Variants in CADM2 observed in about 807,000 individuals in gnomAD.
The protein encoded by CADM2 is cell adhesion molecule 2.
CADM2 carries 12 observed loss-of-function variants against 49.8 expected under a neutral mutation model. The observed-to-expected ratio is 0.24, with a 90% CI of 0.15 to 0.39. The LOEUF (loss-of-function observed/expected upper bound fraction) is 0.39. CADM2 is among the 10% of genes least tolerant of loss of function. The pLI is 1.00. For synonymous variants in CADM2, 214 were observed against 175.4 expected, an observed-to-expected ratio of 1.22 and a Z score of -1.74; for missense variants, 378 against 492.3, an observed-to-expected ratio of 0.77 and a Z score of 2.20.
At chr3:85,545,325 G>A (rs548605095) in intron 1 of CADM2, among the ~76,000 whole-genome samples, 1 of 152,236 alleles carries the variant, frequency 6.6e-6, no homozygotes, top group Admixed American at 6.5e-5. Flanking sequence ...TCCATGCACT[G>A]TGTTATGTGT....
intron 1 of CADM2, among the ~76,000 whole-genome samples, chr3:85,319,148 A>G (rs1028934562): frequency 9.2e-5 from 14 of 152,216 alleles, no homozygotes; most frequent in Admixed American, 5.2e-4. Context: ...AGTTCTGATA[A>G]TAAATCAATG....
intron 6 of CADM2, among the ~76,000 whole-genome samples, chr3:85,934,078 C>A (rs1720912177): frequency 1.3e-5 from 2 of 152,080 alleles, no homozygotes; most frequent in African/African-American, 4.8e-5. Flanking sequence ...TCACAGACAC[C>A]CATGTTAACA....
intron 1 of CADM2, among the ~76,000 whole-genome samples, chr3:85,360,301 TATAAA>T (rs2032265765): frequency 6.6e-6 from 1 of 152,180 alleles, no homozygotes; most frequent in East Asian, 1.9e-4. Flanking sequence ...AACACAAAAA[TATAAA>T]ATAAGTTTTT....
intron 3 of CADM2, among the ~76,000 whole-genome samples, chr3:85,842,547 T>C (rs1275904362): frequency 6.6e-6 from 1 of 152,080 alleles, no homozygotes; most frequent in African/African-American, 2.4e-5. Flanking sequence ...CTTAAATTCA[T>C]CTCAAATCTA....
At chr3:85,413,313 C>T (rs1389106343) in intron 1 of CADM2, among the ~76,000 whole-genome samples, 1 of 151,670 alleles carries the variant, frequency 6.6e-6, no homozygotes, top group African/African-American at 2.4e-5. Context: ...TTCCTTTGTG[C>T]ATATCACTAA....
chr3:84,983,561 A>G (rs1344135240), intron 1 of CADM2, among the ~76,000 whole-genome samples: 1 of 152,142 alleles, frequency 6.6e-6, no homozygotes, highest in African/African-American at 2.4e-5. Context: ...AAGTTCTTAG[A>G]GGTGTCAGAA....
chr3:85,315,100 G>T (rs2044433429), intron 1 of CADM2, among the ~76,000 whole-genome samples: 1 of 152,124 alleles, frequency 6.6e-6, no homozygotes, highest in Admixed American at 6.6e-5. Context: ...GAATTCCTTA[G>T]CTTGCAGATA....
chr3:85,780,106 G>A (rs879581323), intron 2 of CADM2, among the ~76,000 whole-genome samples: 1 of 152,058 alleles, frequency 6.6e-6, no homozygotes, highest in Non-Finnish European at 1.5e-5. Flanking sequence ...TCTGAAATGC[G>A]AGTTAAAGTG....
intron 2 of CADM2, among the ~76,000 whole-genome samples, chr3:85,785,230 A>G (rs987930644): frequency 9.2e-5 from 14 of 152,052 alleles, no homozygotes; most frequent in Admixed American, 3.9e-4. Context: ...ATCCAACTTT[A>G]CATTTTGTTC....
chr3:85,462,653 T>A (rs137865389), intron 1 of CADM2, among the ~76,000 whole-genome samples: 11 of 152,252 alleles, frequency 7.2e-5, no homozygotes, highest in Non-Finnish European at 8.8e-5. Flanking sequence ...CTTCAAATAA[T>A]ATTATGTCAA....
intron 1 of CADM2, among the ~76,000 whole-genome samples, chr3:85,029,013 C>G (rs969459343): frequency 6.6e-6 from 1 of 151,416 alleles, no homozygotes; most frequent in Non-Finnish European, 1.5e-5. Context: ...TATTATAACA[C>G]GTATTTAATA....
intron 1 of CADM2, among the ~76,000 whole-genome samples, chr3:85,220,488 A>T (rs2042020468): frequency 6.6e-6 from 1 of 152,182 alleles, no homozygotes; most frequent in African/African-American, 2.4e-5. Context: ...TGTCAAGCAT[A>T]CAAGTCAGGT....
At chr3:85,070,880 T>A (rs1233898967) in intron 1 of CADM2, among the ~76,000 whole-genome samples, 1 of 151,770 alleles carries the variant, frequency 6.6e-6, no homozygotes, top group African/African-American at 2.4e-5. Flanking sequence ...TCTCAGCTAC[T>A]GGGGAGGCTG....
At chr3:85,964,830 C>A (rs1725279227) in intron 8 of CADM2, among the ~76,000 whole-genome samples, 1 of 151,688 alleles carries the variant, frequency 6.6e-6, no homozygotes, top group Non-Finnish European at 1.5e-5. Flanking sequence ...TAATTAATTC[C>A]TCTGAGCACA....
At chr3:84,997,842 G>C (rs1267023491) in intron 1 of CADM2, among the ~76,000 whole-genome samples, 3 of 152,082 alleles carry the variant, frequency 2.0e-5, no homozygotes, top group Non-Finnish European at 4.4e-5. Flanking sequence ...CCAAGCAGTT[G>C]CTAAAGATAG....
chr3:85,889,277 CA>C (rs1266263582), intron 5 of CADM2, among the ~76,000 whole-genome samples: 1 of 152,082 alleles, frequency 6.6e-6, no homozygotes, highest in Non-Finnish European at 1.5e-5. Context: ...GCTAGTTTAT[CA>C]CATTTTCTTG....
chr3:85,601,560 T>G (rs532392015), intron 1 of CADM2, among the ~76,000 whole-genome samples: 1 of 151,666 alleles, frequency 6.6e-6, no homozygotes, highest in Admixed American at 6.6e-5. Context: ...AGATCCTATT[T>G]AAAATCATCA....
chr3:85,167,706 C>T (rs1295913512), intron 1 of CADM2, among the ~76,000 whole-genome samples: 5 of 151,192 alleles, frequency 3.3e-5, no homozygotes, highest in Admixed American at 2.6e-4. Flanking sequence ...TTTTAGTTTG[C>T]GTTCAGTACT....
At chr3:85,432,078 G>GA (rs199856176) in intron 1 of CADM2, among the ~76,000 whole-genome samples, 29 of 143,458 alleles carry the variant, frequency 2.0e-4, no homozygotes, top group South Asian at 6.8e-4. Context: ...GAAGACATTG[G>GA]AAAAAAAAAC....
Sources: gnomAD v4.1 joint callset for allele counts (sites outside exome capture counted in the v4.1 genomes callset) on GRCh38, gnomAD v4.1.1 for gene constraint, MANE v1.5 for transcripts, NCBI Gene and HGNC (gene_info 2026-07-23, HGNC 2026-07-21) for gene names.